SUGCT: variants seen among roughly 807,000 people sequenced by gnomAD.
The protein encoded by SUGCT is succinyl-CoA:glutarate CoA-transferase.
A neutral mutation model predicts 55.0 loss-of-function variants in SUGCT; 41 were observed. The ratio of observed to expected loss-of-function variants is 0.74; its 90% CI spans 0.58 to 0.97. The LOEUF (loss-of-function observed/expected upper bound fraction) is 0.97, where lower values mean the gene tolerates loss of function less well. Ranked by LOEUF, SUGCT falls within the 50% of genes least tolerant of loss-of-function variation. The probability of loss-of-function intolerance (pLI) is 0.00; values close to 1 mark genes in which losing one functional copy is unlikely to be tolerated. For synonymous variants in SUGCT, 187 were observed against 200.4 expected (o/e 0.93, Z 0.56); for missense variants, 568 against 547.8 (o/e 1.04, Z -0.37).
At chr7:40,833,977 T>G (rs1427527740) in intron 13 of SUGCT, among the ~76,000 whole-genome samples, 1 of 152,234 alleles carries the variant, frequency 6.6e-6, no homozygotes, top group African/African-American at 2.4e-5. Flanking sequence ...ATGCTAGAGT[T>G]GCCCACTGTG....
At chr7:40,264,124 C>T (rs1326449831) in intron 7 of SUGCT, among the ~76,000 whole-genome samples, 1 of 152,130 alleles carries the variant, frequency 6.6e-6, no homozygotes, top group Non-Finnish European at 1.5e-5. Flanking sequence ...CTCTGTTTGT[C>T]AGTAATTAGT....
intron 12 of SUGCT, among the ~76,000 whole-genome samples, chr7:40,617,046 A>T (rs745963184): frequency 6.6e-5 from 10 of 152,128 alleles, no homozygotes; most frequent in Non-Finnish European, 1.0e-4. Context: ...GTTTTGTCTT[A>T]TTTTTTAAAC....
chr7:41,029,943 C>G, the SUGCT span, among the ~76,000 whole-genome samples: 1 of 152,186 alleles, frequency 6.6e-6, no homozygotes, highest in East Asian at 1.9e-4. Context: ...TCCTGCAGAA[C>G]ACTGATCCTT....
chr7:41,033,213 C>T, the SUGCT span, among the ~76,000 whole-genome samples: 1 of 152,214 alleles, frequency 6.6e-6, no homozygotes, highest in African/African-American at 2.4e-5. Flanking sequence ...CATCTGAATA[C>T]TCAATCTTCA....
intron 6 of SUGCT, among the ~76,000 whole-genome samples, chr7:40,215,572 A>G (rs1482089188): frequency 6.6e-6 from 1 of 152,192 alleles, no homozygotes; most frequent in Non-Finnish European, 1.5e-5. Context: ...GCTTAATATT[A>G]AGAGATTAGG....
At chr7:40,362,879 A>G (rs535046985) in intron 9 of SUGCT, among the ~76,000 whole-genome samples, 9 of 152,128 alleles carry the variant, frequency 5.9e-5, no homozygotes, top group Non-Finnish European at 1.3e-4. Flanking sequence ...CTAAAGTGCA[A>G]TTTTGTCTTA....
At chr7:40,930,662 T>C in the SUGCT span, among the ~76,000 whole-genome samples, 3 of 152,212 alleles carry the variant, frequency 2.0e-5, no homozygotes, top group Non-Finnish European at 4.4e-5. Context: ...GATTCCTAGA[T>C]ATTTTATTCT....
At chr7:40,869,657 T>C in the SUGCT span, among the ~76,000 whole-genome samples, 2 of 138,362 alleles carry the variant, frequency 1.4e-5, no homozygotes, top group Non-Finnish European at 3.1e-5. Context: ...AAAATGAATA[T>C]ACCCACGAAT....
intron 12 of SUGCT, among the ~76,000 whole-genome samples, chr7:40,659,716 A>G (rs1562930852): frequency 6.6e-6 from 1 of 152,196 alleles, no homozygotes; most frequent in Non-Finnish European, 1.5e-5. Context: ...AAAGAAGCCA[A>G]TCCACCCTTC....
At chr7:40,166,695 T>C (rs1311424274) in intron 1 of SUGCT, among the ~76,000 whole-genome samples, 4 of 152,170 alleles carry the variant, frequency 2.6e-5, no homozygotes, top group African/African-American at 9.7e-5. Flanking sequence ...GAGAGCAGCC[T>C]AGCCTACATG....
chr7:40,442,517 A>G (rs1788569867), intron 9 of SUGCT, among the ~76,000 whole-genome samples: 1 of 151,810 alleles, frequency 6.6e-6, no homozygotes, highest in Non-Finnish European at 1.5e-5. Context: ...TACTTCCCCA[A>G]TTTTCTACAG....
intron 13 of SUGCT, among the ~76,000 whole-genome samples, chr7:40,787,274 A>T (rs941138082): frequency 6.6e-6 from 1 of 152,152 alleles, no homozygotes; most frequent in African/African-American, 2.4e-5. Flanking sequence ...TTCAGGGCCA[A>T]TATCCCAAAG....
chr7:40,361,761 C>T (rs114901432), intron 9 of SUGCT, among the ~76,000 whole-genome samples: 2,498 of 151,988 alleles, frequency 0.016, 45 homozygotes, highest in African/African-American at 0.051. Flanking sequence ...ACTTGGGAGT[C>T]ACTGGCATAA....
At chr7:40,738,280 TCAATCTCAAA>T (rs1022232565) in intron 12 of SUGCT, among the ~76,000 whole-genome samples, 3 of 150,146 alleles carry the variant, frequency 2.0e-5, no homozygotes, top group African/African-American at 7.3e-5. Context: ...ACAATCTCAA[TCAATCTCAAA>T]CACAGCAAGA....
intron 13 of SUGCT, among the ~76,000 whole-genome samples, chr7:40,759,640 G>C (rs1788435703): frequency 1.3e-5 from 2 of 151,152 alleles, no homozygotes; most frequent in Admixed American, 1.3e-4. Context: ...ACCAACTATT[G>C]AGTTTTTTTT....
chr7:40,855,268 T>TAA (rs1420299032), intron 13 of SUGCT, among the ~76,000 whole-genome samples: 1 of 146,980 alleles, frequency 6.8e-6, no homozygotes. Flanking sequence ...AAATTTCTCC[T>TAA]CAAAAAAAAA....
At chr7:40,911,346 A>T in the SUGCT span, among the ~76,000 whole-genome samples, 1 of 152,182 alleles carries the variant, frequency 6.6e-6, no homozygotes, top group Non-Finnish European at 1.5e-5. Flanking sequence ...AGTCAATGAC[A>T]TTATTTTAAA....
intron 1 of SUGCT, among the ~76,000 whole-genome samples, chr7:40,150,389 C>T (rs1056571872): frequency 2.6e-5 from 4 of 152,214 alleles, no homozygotes; most frequent in African/African-American, 9.6e-5. Flanking sequence ...GCTCGCTGGG[C>T]CGGGCACGGT....
the SUGCT span, among the ~76,000 whole-genome samples, chr7:40,991,986 T>G: frequency 6.6e-6 from 1 of 152,068 alleles, no homozygotes; most frequent in African/African-American, 2.4e-5. Context: ...GAATTCTTTC[T>G]TGCTGCAAGA....
Sources: gnomAD v4.1 joint callset for allele counts (sites outside exome capture counted in the v4.1 genomes callset) on GRCh38, gnomAD v4.1.1 for gene constraint, MANE v1.5 for transcripts, NCBI Gene and HGNC (gene_info 2026-07-23, HGNC 2026-07-21) for gene names.